PTPRG: variants seen among roughly 807,000 people sequenced by gnomAD.
The protein encoded by PTPRG is protein tyrosine phosphatase receptor type G, also known as receptor-type tyrosine-protein phosphatase gamma.
In PTPRG, 102 loss-of-function variants were observed where a neutral mutation model predicts 165.3. The observed-to-expected ratio is 0.62, with a 90% CI of 0.53 to 0.73. The LOEUF (loss-of-function observed/expected upper bound fraction) is 0.73, where lower values mean the gene tolerates loss of function less well. Ranked by LOEUF, PTPRG falls within the 30% of genes least tolerant of loss-of-function variation. PTPRG has a pLI of 0.00. For synonymous variants in PTPRG, 675 were observed against 669.5 expected (o/e 1.01, Z -0.13); for missense variants, 1,866 against 1,861.4 (o/e 1.00, Z -0.05).
intron 2 of PTPRG, among the ~76,000 whole-genome samples, chr3:61,794,410 A>G (rs915906437): frequency 2.0e-5 from 3 of 152,152 alleles, no homozygotes; most frequent in African/African-American, 7.2e-5. Flanking sequence ...CTTTTCTGAC[A>G]CAATAGGTCA....
intron 1 of PTPRG, among the ~76,000 whole-genome samples, chr3:61,743,998 A>G (rs2033101710): frequency 1.3e-5 from 2 of 152,190 alleles, no homozygotes; most frequent in South Asian, 2.1e-4. Context: ...TAGCCATACC[A>G]TATCATTGCC....
chr3:61,739,970 C>A (rs1052380984), intron 1 of PTPRG, among the ~76,000 whole-genome samples: 1 of 152,156 alleles, frequency 6.6e-6, no homozygotes, highest in African/African-American at 2.4e-5. Flanking sequence ...TGGGGTTTTC[C>A]ACACTGGCAA....
At chr3:61,964,818 T>C (rs919118667) in intron 2 of PTPRG, among the ~76,000 whole-genome samples, 4 of 152,188 alleles carry the variant, frequency 2.6e-5, no homozygotes, top group African/African-American at 9.6e-5. Flanking sequence ...CAACCCACTC[T>C]ATTGTCATTT....
intron 21 of PTPRG, 112 bp from the exon 22 acceptor site, chr3:62,272,834 C>T: frequency 8.1e-7 from 1 of 1,239,202 alleles, no homozygotes; most frequent in Non-Finnish European, 1.1e-6. Flanking sequence ...GAAACTCCAT[C>T]TCATCTCAGA....
intron 2 of PTPRG, among the ~76,000 whole-genome samples, chr3:61,826,567 C>T (rs2036119930): frequency 6.6e-6 from 1 of 151,622 alleles, no homozygotes; most frequent in African/African-American, 2.4e-5. Flanking sequence ...CTCTTCCCTA[C>T]TTTTGATGAC....
At chr3:61,892,208 T>A (rs2038233863) in intron 2 of PTPRG, among the ~76,000 whole-genome samples, 1 of 152,198 alleles carries the variant, frequency 6.6e-6, no homozygotes, top group South Asian at 2.1e-4. Context: ...AAACTAGGTT[T>A]CCAGCCCATA....
intron 3 of PTPRG, among the ~76,000 whole-genome samples, chr3:61,997,962 A>G (rs1183754893): frequency 6.6e-6 from 1 of 151,834 alleles, no homozygotes; most frequent in Admixed American, 6.6e-5. Context: ...TTTTTTTTCT[A>G]CCTTATACTC....
intron 2 of PTPRG, among the ~76,000 whole-genome samples, chr3:61,865,795 C>T (rs1318647319): frequency 1.3e-5 from 2 of 152,164 alleles, no homozygotes; most frequent in African/African-American, 2.4e-5. Context: ...GCCACACAGC[C>T]GGAGCAACCC....
chr3:61,650,195 T>C (rs1162375191), intron 1 of PTPRG, among the ~76,000 whole-genome samples: 2 of 152,196 alleles, frequency 1.3e-5, no homozygotes, highest in African/African-American at 4.8e-5. Context: ...ACACGGCTGC[T>C]GAGAAATTAT....
intron 1 of PTPRG, among the ~76,000 whole-genome samples, chr3:61,732,566 G>A (rs1039045464): frequency 6.6e-5 from 10 of 150,698 alleles, no homozygotes; most frequent in African/African-American, 1.2e-4. Context: ...AAAATTAGCC[G>A]CGCATGATGG....
chr3:61,579,945 AGAAGAT>A (rs1346903775), intron 1 of PTPRG, among the ~76,000 whole-genome samples: 1 of 152,254 alleles, frequency 6.6e-6, no homozygotes, highest in African/African-American at 2.4e-5. Context: ...TAAATGTCTT[AGAAGAT>A]TTTTTGGAGA....
chr3:61,676,625 T>G (rs1703243066), intron 1 of PTPRG, among the ~76,000 whole-genome samples: 1 of 151,990 alleles, frequency 6.6e-6, no homozygotes, highest in South Asian at 2.1e-4. Flanking sequence ...CCTTGATATA[T>G]TTTAACGTGT....
intron 2 of PTPRG, among the ~76,000 whole-genome samples, chr3:61,848,140 T>C (rs562467654): frequency 1.3e-5 from 2 of 152,356 alleles, no homozygotes; most frequent in East Asian, 3.9e-4. Context: ...ACACTTTGCA[T>C]TGGCTGAAGT....
chr3:62,225,231 A>T (rs985318503), intron 13 of PTPRG, among the ~76,000 whole-genome samples: 1 of 152,214 alleles, frequency 6.6e-6, no homozygotes. Flanking sequence ...CCTTACCAAG[A>T]CAAGCTGTTT....
intron 1 of PTPRG, among the ~76,000 whole-genome samples, chr3:61,606,297 T>C (rs887911712): frequency 6.6e-6 from 1 of 152,170 alleles, no homozygotes; most frequent in African/African-American, 2.4e-5. Flanking sequence ...CGTGGCTGTC[T>C]CCACAATGTG....
intron 1 of PTPRG, among the ~76,000 whole-genome samples, chr3:61,634,266 C>T (rs1195668552): frequency 6.6e-6 from 1 of 151,890 alleles, no homozygotes; most frequent in Non-Finnish European, 1.5e-5. Flanking sequence ...GAGACAGAGT[C>T]TCCTACTGTC....
intron 5 of PTPRG, 117 bp from the exon 6 acceptor site, chr3:62,132,485 C>A: frequency 1.2e-6 from 1 of 808,160 alleles, no homozygotes; most frequent in Non-Finnish European, 2.2e-6. Context: ...GTATGTGAGA[C>A]CTAAGCAGCT....
rs1005727717 is a variant in PTPRG, at chr3:62,254,282, A to T, written c.2468-842A>T. Among the ~76,000 whole-genome samples, 6 of 152,206 alleles carry T rather than the reference A, an allele frequency of 3.9e-5. No individual in the cohort carries two copies. The highest frequency in any genetic ancestry group is 1.2e-4 in the African/African-American group (5 of 41,464). The stretch of plus-strand genomic sequence containing the variant: ...TCAAATTCAGCAGAGTATTTTTAAA[A>T]GGAAATATTTGTGGGGGAGGGTCGA... On this transcript the variant is annotated intron_variant, in intron 15 of 29. Coordinates refer to ENST00000474889, the MANE Select transcript of PTPRG (RefSeq NM_002841.4). The surrounding 1 kb of genome is among the most constrained non-coding windows in gnomAD (Gnocchi z 4.6).
Position 62,098,881 on chromosome 3 carries a change from G to A in PTPRG, c.615+20623G>A, listed in dbSNP as rs527654788. Among the ~76,000 whole-genome samples the A allele has an allele frequency of 3.3e-5, 5 of 152,282 alleles. No homozygotes were observed. In the South Asian group the frequency reaches 8.3e-4, roughly 25 times the overall value. ...CTGAAGGGAATGCATAAACTTGAAGGGTTGTGGTCACAGAATATGTTCTGA... is the reference window on the plus strand; with the variant it reads ...CTGAAGGGAATGCATAAACTTGAAGAGTTGTGGTCACAGAATATGTTCTGA... On this transcript the variant is annotated intron_variant, in intron 5 of 29. Coordinates refer to ENST00000474889, the MANE Select transcript of PTPRG (RefSeq NM_002841.4).
Sources: gnomAD v4.1 joint callset for allele counts (sites outside exome capture counted in the v4.1 genomes callset) on GRCh38, gnomAD v4.1.1 for gene constraint, Gnocchi (gnomAD v3.1) non-coding constraint, MANE v1.5 for transcripts, NCBI Gene and HGNC (gene_info 2026-07-23, HGNC 2026-07-21) for gene names.